The following TGFA variants were observed in gnomAD, a reference collection of about 807,000 sequenced individuals.
The protein encoded by TGFA is protransforming growth factor alpha.
Under a neutral mutation model 21.7 loss-of-function variants are expected in TGFA, and 12 were observed. That is an observed-to-expected ratio of 0.55 (90% confidence interval 0.35 to 0.90). The LOEUF (loss-of-function observed/expected upper bound fraction) is 0.90. Among genes scored for constraint, TGFA ranks in the 40% least tolerant of loss-of-function variants. The pLI, the probability that TGFA is intolerant of heterozygous loss-of-function variation, is 0.01. For synonymous variants in TGFA, 79 were observed against 88.1 expected (o/e 0.90, Z 0.58); for missense variants, 178 against 210.8 (o/e 0.84, Z 0.96).
rs566537714 is a variant in TGFA at position 70,534,298 on chromosome 2, A to G, written c.41-19386T>C. Among the ~76,000 whole-genome samples, 5 of 152,358 alleles carry G rather than the reference A, an allele frequency of 3.3e-5. No individual in the cohort carries two copies. The South Asian group carries it at 6.2e-4, about 19-fold the overall frequency. On this transcript the variant is annotated intron_variant, in intron 1 of 5. Coordinates refer to ENST00000295400, the MANE Select transcript of TGFA (RefSeq NM_003236.4). ...TAGCAACTGTGCTCTCGCAGGTTCT[A>G]TCTTTAGTTGGACTGTGAAGAACTA...
chr2:70,503,278 CATGG>C (rs1404191271), intron 2 of TGFA, among the ~76,000 whole-genome samples: 1 of 152,030 alleles, frequency 6.6e-6, no homozygotes, highest in Non-Finnish European at 1.5e-5. Context: ...TTTGTAGGGA[CATGG>C]ATGAAGCTGG....
chr2:70,543,403 G>A (rs1179967167), intron 1 of TGFA, among the ~76,000 whole-genome samples: 1 of 151,916 alleles, frequency 6.6e-6, no homozygotes, highest in Non-Finnish European at 1.5e-5. Context: ...GTACACAGCT[G>A]TAATCCCAGC....
intron 3 of TGFA, among the ~76,000 whole-genome samples, chr2:70,464,622 C>A (rs1432201921): frequency 2.6e-5 from 4 of 152,156 alleles, no homozygotes; most frequent in African/African-American, 9.7e-5. Flanking sequence ...AATGACCCAG[C>A]TCCAAATGTA....
intron 1 of TGFA, among the ~76,000 whole-genome samples, chr2:70,535,219 AG>A (rs5832019): frequency 0.33 from 49,933 of 151,902 alleles, 8,779 homozygotes; most frequent in African/African-American, 0.44. Flanking sequence ...AAGGTGCCCA[AG>A]GTGTCCACTG....
chr2:70,509,656 T>G (rs2103839511), intron 2 of TGFA, among the ~76,000 whole-genome samples: 1 of 152,084 alleles, frequency 6.6e-6, no homozygotes, highest in Non-Finnish European at 1.5e-5. Flanking sequence ...AGTTCAGAGG[T>G]TTAAAGTGCC....
chr2:70,526,509 A>G (rs1375204597), intron 1 of TGFA, among the ~76,000 whole-genome samples: 2 of 152,226 alleles, frequency 1.3e-5, no homozygotes, highest in African/African-American at 4.8e-5. Context: ...ACTTAGTTGT[A>G]TGGGCAGAAT....
At chr2:70,456,896 C>T (rs569562666) in intron 3 of TGFA, among the ~76,000 whole-genome samples, 1 of 152,260 alleles carries the variant, frequency 6.6e-6, no homozygotes, top group South Asian at 2.1e-4. Context: ...AAAGAAAACA[C>T]CTGAAACCAG....
chr2:70,458,523 T>G (rs911391039), intron 3 of TGFA, among the ~76,000 whole-genome samples: 6 of 152,112 alleles, frequency 3.9e-5, no homozygotes, highest in Non-Finnish European at 8.8e-5. Context: ...ATCCACACAC[T>G]GCACCTAGCA....
intron 2 of TGFA, among the ~76,000 whole-genome samples, chr2:70,469,998 C>T (rs1266425504): frequency 6.6e-6 from 1 of 151,790 alleles, no homozygotes; most frequent in Non-Finnish European, 1.5e-5. Context: ...AAATAGGTAC[C>T]ATAAAAAGGC....
intron 1 of TGFA, among the ~76,000 whole-genome samples, chr2:70,529,151 T>C (rs1553503357): frequency 6.6e-6 from 1 of 152,238 alleles, no homozygotes; most frequent in African/African-American, 2.4e-5. Context: ...GGGAGTGTTT[T>C]TGGTTCACCG....
Position 70,456,502 on chromosome 2 carries a change from G to A in TGFA, c.216-14C>T, listed in dbSNP as rs749135514. 2 of 1,594,650 alleles carry A rather than the reference G, an allele frequency of 1.3e-6. No individual in the cohort carries two copies. The highest frequency in any genetic ancestry group is 4.6e-5 in the East Asian group (2 of 43,644). ...CCAGAATGGCAGCTGGGGAAGAAAG[G>A]AACGTCAGTGCACTCTCCTGACAAA... On this transcript the variant is annotated splice_polypyrimidine_tract_variant and intron_variant, in intron 3 of 5. Transcript: ENST00000295400.
At chr2:70,544,022 GA>G (rs1267912781) in intron 1 of TGFA, among the ~76,000 whole-genome samples, 3 of 151,926 alleles carry the variant, frequency 2.0e-5, no homozygotes, top group Non-Finnish European at 4.4e-5. Context: ...ACATTTGAGG[GA>G]AAAAACCCAC....
chr2:70,540,333 T>A (rs782283022), intron 1 of TGFA, among the ~76,000 whole-genome samples: 3 of 152,232 alleles, frequency 2.0e-5, no homozygotes, highest in Non-Finnish European at 4.4e-5. Flanking sequence ...ATTATAGCCA[T>A]GATCCTTAGA....
At chr2:70,550,579 G>T (rs953896654) in intron 1 of TGFA, among the ~76,000 whole-genome samples, 1 of 152,186 alleles carries the variant, frequency 6.6e-6, no homozygotes. Context: ...CCAGCCCTTT[G>T]GGAGGCTGAG....
chr2:70,504,471 TAC>T (rs1441723120), intron 2 of TGFA, among the ~76,000 whole-genome samples: 5 of 87,164 alleles, frequency 5.7e-5, no homozygotes, highest in African/African-American at 2.2e-4. Context: ...TATACACACA[TAC>T]ATACATACAT....
At chr2:70,528,672 G>A (rs1672716294) in intron 1 of TGFA, among the ~76,000 whole-genome samples, 1 of 152,194 alleles carries the variant, frequency 6.6e-6, no homozygotes, top group South Asian at 2.1e-4. Context: ...CAAAAAAGAT[G>A]ATGTATCTTA....
intron 2 of TGFA, among the ~76,000 whole-genome samples, chr2:70,486,731 GA>G (rs554979767): frequency 7.6e-4 from 116 of 152,062 alleles, no homozygotes; most frequent in African/African-American, 2.5e-3. Context: ...TAAAGTGCTG[GA>G]ATTATAGGCG....
At chr2:70,513,890 T>C (rs115476237) in intron 2 of TGFA, among the ~76,000 whole-genome samples, 2,228 of 152,286 alleles carry the variant, frequency 0.015, 71 homozygotes, top group African/African-American at 0.048. Flanking sequence ...GTTGTGGGAC[T>C]GGTGCACTCA....
At chr2:70,451,130 G>C (rs1398914361) in intron 5 of TGFA, among the ~76,000 whole-genome samples, 3 of 152,172 alleles carry the variant, frequency 2.0e-5, no homozygotes, top group Admixed American at 2.0e-4. Context: ...AGATGGGGGG[G>C]AGCGGGGGGA....
Sources: allele counts gnomAD v4.1 joint callset (sites outside exome capture counted in the v4.1 genomes callset), GRCh38; gene constraint gnomAD v4.1.1; transcripts MANE v1.5; gene names NCBI Gene and HGNC (gene_info 2026-07-23, HGNC 2026-07-21).